Variants in DLG2 observed in about 807,000 individuals in gnomAD.
DLG2 encodes the protein disks large homolog 2.
DLG2 carries 45 observed loss-of-function variants against 132.5 expected under a neutral mutation model. The ratio of observed to expected loss-of-function variants is 0.34; its 90% CI spans 0.27 to 0.44. DLG2 has a LOEUF of 0.44. Among genes scored for constraint, DLG2 ranks in the 20% least tolerant of loss-of-function variants. The probability of loss-of-function intolerance (pLI) is 1.00; values close to 1 mark genes in which losing one functional copy is unlikely to be tolerated. For missense variants in DLG2, 1,045 were observed against 1,196.9 expected (o/e 0.87, Z 1.87); for synonymous variants, 424 against 419.6 (o/e 1.01, Z -0.13).
chr11:85,151,013 C>T (rs979887200), intron 5 of DLG2, among the ~76,000 whole-genome samples: 2 of 152,078 alleles, frequency 1.3e-5, no homozygotes, highest in African/African-American at 4.8e-5. Context: ...TCAATTTCTC[C>T]ACATCTTTAT....
intron 6 of DLG2, among the ~76,000 whole-genome samples, chr11:84,982,762 C>T (rs1290245292): frequency 1.3e-5 from 2 of 151,738 alleles, no homozygotes; most frequent in Non-Finnish European, 1.5e-5. Flanking sequence ...TCCAGAAGTG[C>T]CAGACTGATT....
At chr11:83,988,192 G>A (rs758530792) in intron 11 of DLG2, among the ~76,000 whole-genome samples, 1 of 151,950 alleles carries the variant, frequency 6.6e-6, no homozygotes. Context: ...TGGCATTTTC[G>A]TTAAGAATTC....
intron 6 of DLG2, chr11:84,686,697 C>G (rs1358609043): frequency 6.8e-6 from 1 of 146,990 alleles, no homozygotes; most frequent in Non-Finnish European, 1.5e-5. Context: ...AACATTCATC[C>G]ATAAGAATTC....
At chr11:84,891,141 T>TA (rs1375039837) in intron 6 of DLG2, among the ~76,000 whole-genome samples, 1 of 152,194 alleles carries the variant, frequency 6.6e-6, no homozygotes, top group Non-Finnish European at 1.5e-5. Context: ...TTTGGCATCC[T>TA]ACCTGTACTT....
At chr11:85,297,565 AC>A (rs2079313105) in intron 3 of DLG2, among the ~76,000 whole-genome samples, 1 of 152,188 alleles carries the variant, frequency 6.6e-6, no homozygotes, top group Non-Finnish European at 1.5e-5. Context: ...ATTGAAAAAT[AC>A]ATCTATGAGC....
chr11:85,005,370 G>A lies in DLG2; in HGVS notation c.357+106291C>T, dbSNP rs186243555. Among the ~76,000 whole-genome samples, 109 of 152,164 alleles carry A rather than the reference G, an allele frequency of 7.2e-4. 2 individuals carry two copies. The East Asian group carries it at 0.013, about 18-fold the overall frequency. ...CTTCCTATCCATGAGCATGGAATGTGTTTCCATTTGTTTGTGTCCTCTCTT... is the reference window on the plus strand; with the variant it reads ...CTTCCTATCCATGAGCATGGAATGTATTTCCATTTGTTTGTGTCCTCTCTT... On this transcript the variant is annotated intron_variant, in intron 6 of 27. Coordinates refer to ENST00000376104, the MANE Select transcript of DLG2 (RefSeq NM_001142699.3).
intron 3 of DLG2, among the ~76,000 whole-genome samples, chr11:85,580,869 G>A (rs2078468224): frequency 6.6e-6 from 1 of 152,174 alleles, no homozygotes; most frequent in South Asian, 2.1e-4. Flanking sequence ...ATAAGGAGAA[G>A]TCAGGACATA....
intron 15 of DLG2, among the ~76,000 whole-genome samples, chr11:83,897,060 G>C (rs1035774651): frequency 6.6e-6 from 1 of 152,100 alleles, no homozygotes; most frequent in African/African-American, 2.4e-5. Context: ...TAACACTCAT[G>C]TTATTCAATA....
At chr11:85,304,500 G>C (rs1460504874) in intron 3 of DLG2, among the ~76,000 whole-genome samples, 4 of 152,062 alleles carry the variant, frequency 2.6e-5, no homozygotes, top group African/African-American at 9.7e-5. Flanking sequence ...TATACAGGTT[G>C]AGCATCCCAA....
chr11:84,084,800 T>C (rs1038775634), intron 10 of DLG2, among the ~76,000 whole-genome samples: 2 of 152,216 alleles, frequency 1.3e-5, no homozygotes, highest in Admixed American at 1.3e-4. Context: ...TCACCATTGA[T>C]ATCTGATCAC....
intron 7 of DLG2, among the ~76,000 whole-genome samples, chr11:84,331,611 G>A (rs1475601541): frequency 6.6e-6 from 1 of 151,002 alleles, no homozygotes; most frequent in African/African-American, 2.4e-5. Context: ...CGGCCGGGTG[G>A]GTGGTGGTGG....
intron 7 of DLG2, among the ~76,000 whole-genome samples, chr11:84,361,408 A>T (rs976204530): frequency 6.6e-6 from 1 of 151,962 alleles, no homozygotes; most frequent in African/African-American, 2.4e-5. Flanking sequence ...AACTATTCAG[A>T]TCATATGGCA....
At chr11:84,571,397 T>C (rs1233118874) in intron 6 of DLG2, among the ~76,000 whole-genome samples, 1 of 152,026 alleles carries the variant, frequency 6.6e-6, no homozygotes, top group East Asian at 1.9e-4. Flanking sequence ...TATCTTTTCC[T>C]TCTCTTGTAT....
chr11:83,522,804 GC>G (rs60229392), intron 21 of DLG2, among the ~76,000 whole-genome samples: 7,850 of 132,156 alleles, frequency 0.059, 286 homozygotes, highest in African/African-American at 0.11. Context: ...TAATTTTAGA[GC>G]CCCCCCCCCC....
chr11:84,234,732 T>A (rs2097137258), intron 8 of DLG2, among the ~76,000 whole-genome samples: 2 of 152,112 alleles, frequency 1.3e-5, no homozygotes, highest in South Asian at 4.1e-4. Flanking sequence ...AATAGAAGAC[T>A]GACAAAGCTG....
chr11:85,143,240 AT>A (rs2076611449), intron 5 of DLG2, among the ~76,000 whole-genome samples: 1 of 151,538 alleles, frequency 6.6e-6, no homozygotes, highest in African/African-American at 2.4e-5. Flanking sequence ...TTATTGGTCT[AT>A]TTTGGTTTCA....
intron 11 of DLG2, among the ~76,000 whole-genome samples, chr11:84,041,924 A>G (rs1293034163): frequency 1.3e-5 from 2 of 151,878 alleles, no homozygotes; most frequent in Admixed American, 1.3e-4. Context: ...TGATGGTTTT[A>G]AAACTGGGAG....
intron 6 of DLG2, among the ~76,000 whole-genome samples, chr11:84,790,324 T>G (rs1003965082): frequency 6.6e-6 from 1 of 152,200 alleles, no homozygotes; most frequent in Non-Finnish European, 1.5e-5. Context: ...GATTTGCATT[T>G]CTCTGATGAT....
At chr11:84,622,553 C>T (rs2099615800) in intron 6 of DLG2, among the ~76,000 whole-genome samples, 1 of 152,122 alleles carries the variant, frequency 6.6e-6, no homozygotes. Context: ...TTTTGAGAAT[C>T]AATGGGACCA....
Sources: allele counts gnomAD v4.1 joint callset (sites outside exome capture counted in the v4.1 genomes callset), GRCh38; gene constraint gnomAD v4.1.1; transcripts MANE v1.5; gene names NCBI Gene and HGNC (gene_info 2026-07-23, HGNC 2026-07-21).